RNF34: variants seen among roughly 807,000 people sequenced by gnomAD.
RNF34 encodes ring finger protein 34, also known as E3 ubiquitin-protein ligase RNF34.
In RNF34, 12 loss-of-function variants were observed where a neutral mutation model predicts 37.9. The observed-to-expected ratio is 0.32, with a 90% confidence interval of 0.20 to 0.51. The LOEUF (loss-of-function observed/expected upper bound fraction) is 0.51, where lower values mean the gene tolerates loss of function less well. Ranked by LOEUF, RNF34 falls within the 20% of genes least tolerant of loss-of-function variation. The pLI is 0.97. For missense variants in RNF34, 362 were observed against 472.7 expected, an observed-to-expected ratio of 0.77 and a Z score of 2.17; for synonymous variants, 155 against 177.2, an observed-to-expected ratio of 0.87 and a Z score of 1.00.
rs924116043 is a variant in RNF34 at position 121,423,785 on chromosome 12, G to A, written c.*209G>A. On this transcript the variant is annotated 3_prime_UTR_variant, in exon 6 of 6. Transcript: ENST00000361234. The surrounding 1 kb of genome is among the most constrained non-coding windows in gnomAD (Gnocchi z 4.3). ...CTGCCTGTGGACACGTGAGCTTCCCGGGCTCAGCTGGGCTTTATCACACAT... is the reference window on the plus strand; with the variant it reads ...CTGCCTGTGGACACGTGAGCTTCCCAGGCTCAGCTGGGCTTTATCACACAT... 4 of 524,534 alleles carry A rather than the reference G, an allele frequency of 7.6e-6. No individual in the cohort carries two copies. The highest frequency in any genetic ancestry group is 4.9e-5 in the South Asian group (2 of 41,100). 32.5% of individuals were successfully genotyped at this position (524,534 alleles called of 1,614,324 possible). A position where few individuals can be genotyped will look rare whatever the true frequency, so the allele number is the denominator to read the frequency against.
At position 121,412,534 on chromosome 12, in the gene RNF34, C is replaced by T. The variant is rs371007642; in HGVS notation, c.7-3625C>T. ...CTAGGATTACAGGGGTGAGCCACCA[C>T]GCCTGGCCTAATTTTTGTGTTTTTA... On this transcript the variant is annotated intron_variant, in intron 1 of 5. Transcript: ENST00000361234. Among the ~76,000 whole-genome samples, 4 of 151,886 alleles carry T rather than the reference C, an allele frequency of 2.6e-5. 1 individual carries two copies. Among genetic ancestry groups the T allele is most frequent in the African/African-American group, 9.7e-5 (4 of 41,438 alleles).
chr12:121,412,621 C>T (rs1871186291), intron 1 of RNF34, among the ~76,000 whole-genome samples: 1 of 152,014 alleles, frequency 6.6e-6, no homozygotes, highest in Admixed American at 6.6e-5. Flanking sequence ...TCATGTGATC[C>T]ACCCGCCTTG....
At chr12:121,419,915 C>A (rs1353383355) in intron 3 of RNF34, 3 of 183,310 alleles carry the variant, frequency 1.6e-5, no homozygotes, top group Non-Finnish European at 3.5e-5. Context: ...TTTGCAGGTA[C>A]TTTGATAATG....
At chr12:121,415,391 T>G in intron 1 of RNF34, 1 of 266,102 alleles carries the variant, frequency 3.8e-6, no homozygotes, top group Non-Finnish European at 8.4e-6. Flanking sequence ...GAGGCCAAGG[T>G]AGGCAGATCA....
chr12:121,420,984 A>G lies in RNF34; in HGVS notation c.928+206A>G, dbSNP rs556378668. Among the ~76,000 whole-genome samples the G allele has an allele frequency of 3.9e-5, 6 of 152,286 alleles. No homozygotes were observed. In the South Asian group the frequency reaches 1.2e-3, roughly 32 times the overall value. ...TGTTCATTATGGCTGCGAGACCACC[A>G]CTGCCAAGTGAGTTAGAAAATTATT... On this transcript the variant is annotated intron_variant, in intron 5 of 5. Transcript: ENST00000361234.
intron 1 of RNF34, chr12:121,402,842 T>A (rs782410446): frequency 6.7e-7 from 1 of 1,487,746 alleles, no homozygotes. Context: ...GTTATTGTAA[T>A]AATCGATCAG....
intron 1 of RNF34, among the ~76,000 whole-genome samples, chr12:121,403,703 T>C (rs180884285): frequency 1.3e-5 from 2 of 152,314 alleles, no homozygotes; most frequent in East Asian, 3.9e-4. Context: ...TTGGTCCTTG[T>C]AGATTCATGT....
intron 1 of RNF34, among the ~76,000 whole-genome samples, chr12:121,415,840 C>CTTTTT (rs782608817): frequency 2.9e-4 from 31 of 108,056 alleles, no homozygotes; most frequent in Non-Finnish European, 3.6e-4. Context: ...TTTGTCCAGT[C>CTTTTT]TTTTTTTTTT....
At chr12:121,402,168 T>C (rs1870055665) in intron 1 of RNF34, among the ~76,000 whole-genome samples, 1 of 152,140 alleles carries the variant, frequency 6.6e-6, no homozygotes. Context: ...CCGGGTGCAA[T>C]AGCTCACGCC....
chr12:121,423,417 AGAC>A lies in RNF34; in HGVS notation c.964_966del (p.Asp322del), dbSNP rs1555283773. ...AGCGGCTGCAGCTGCAGGATGAGGA[AGAC>A]GACAGCCTGTGTCGCATCTGCATGG... On this transcript the variant is annotated inframe_deletion, in exon 6 of 6. Coordinates refer to ENST00000361234, the MANE Select transcript of RNF34 (RefSeq NM_025126.4). The surrounding 1 kb of genome is among the most constrained non-coding windows in gnomAD (Gnocchi z 4.3). 6 of 1,611,218 alleles carry A rather than the reference AGAC, an allele frequency of 3.7e-6. No individual in the cohort carries two copies. The highest frequency in any genetic ancestry group is 2.2e-5 in the East Asian group (1 of 44,780).
intron 1 of RNF34, chr12:121,402,751 T>C: frequency 6.3e-7 from 1 of 1,588,590 alleles, no homozygotes; most frequent in South Asian, 1.1e-5. Flanking sequence ...GGTGGGGGAG[T>C]GGTACTAAGG....
chr12:121,400,119 A>G lies in RNF34; in HGVS notation c.-94A>G, dbSNP rs374975607. 96 of 1,440,346 alleles carry G rather than the reference A, an allele frequency of 6.7e-5. No individual in the cohort carries two copies. The highest frequency in any genetic ancestry group is 8.5e-5 in the Non-Finnish European group (91 of 1,069,438). The allele number at this position is 1,440,346 out of a possible 1,614,324, so 89.2% of individuals were successfully genotyped here. ...CTCGGTCGCCTCCCGGGGCGCGGTA[A>G]TCACCGCCCAGAGGGAAGGAGGTCG... On this transcript the variant is annotated 5_prime_UTR_variant, in exon 1 of 6. Coordinates refer to ENST00000361234, the MANE Select transcript of RNF34 (RefSeq NM_025126.4).
At chr12:121,402,721 T>TC (rs1870115137) in intron 1 of RNF34, 1 of 1,528,328 alleles carries the variant, frequency 6.5e-7, no homozygotes, top group Non-Finnish European at 8.9e-7. Context: ...TAATTCCTTT[T>TC]CCTTTTTTTT....
chr12:121,411,021 A>G (rs1253136914), intron 1 of RNF34, among the ~76,000 whole-genome samples: 1 of 151,194 alleles, frequency 6.6e-6, no homozygotes. Flanking sequence ...CATAGTCTCA[A>G]CCTCCCAGGC....
intron 1 of RNF34, chr12:121,402,675 A>G: frequency 9.9e-7 from 1 of 1,010,806 alleles, no homozygotes; most frequent in Non-Finnish European, 1.5e-6. Flanking sequence ...TCCAAGCTCA[A>G]AATGAGATAT....
rs1872126286 is a variant in RNF34 at position 121,421,375 on chromosome 12, A to AAAC, written c.928+599_928+600insCAA. Among the ~76,000 whole-genome samples the AAAC allele has an allele frequency of 1.1e-4, 14 of 126,924 alleles. No individual in the cohort carries two copies. In the South Asian group the frequency reaches 3.5e-3, roughly 32 times the overall value. 83.3% of individuals were successfully genotyped at this position (126,924 alleles called of 152,430 possible). ...AACATAGAGAGATCCCATCTCTAAA[A>AAAC]AAAAAAAAAAAAAAAAAAAAAAACC... On this transcript the variant is annotated intron_variant, in intron 5 of 5. Transcript: ENST00000361234.
At chr12:121,419,199 A>G (rs187985452) in intron 3 of RNF34, among the ~76,000 whole-genome samples, 31 of 152,342 alleles carry the variant, frequency 2.0e-4, no homozygotes, top group African/African-American at 7.5e-4. Flanking sequence ...ATACACAAAT[A>G]CTTATTACTG....
intron 1 of RNF34, among the ~76,000 whole-genome samples, chr12:121,410,545 CAAA>C (rs59253955): frequency 7.3e-5 from 10 of 137,756 alleles, no homozygotes; most frequent in South Asian, 2.3e-4. Flanking sequence ...TCAAAACCAC[CAAA>C]AAAAAAAAAA....
chr12:121,401,214 T>A (rs1869960174), intron 1 of RNF34, among the ~76,000 whole-genome samples: 1 of 152,034 alleles, frequency 6.6e-6, no homozygotes, highest in Admixed American at 6.6e-5. Context: ...GTTGAACGTT[T>A]TCTGTGCGTT....
Sources: allele counts gnomAD v4.1 joint callset (sites outside exome capture counted in the v4.1 genomes callset), GRCh38; gene constraint gnomAD v4.1.1; non-coding constraint Gnocchi (gnomAD v3.1); transcripts MANE v1.5; gene names NCBI Gene and HGNC (gene_info 2026-07-23, HGNC 2026-07-21).